ASIC2: variants seen among roughly 807,000 people sequenced by gnomAD.
ASIC2 encodes acid-sensing ion channel 2.
A neutral mutation model predicts 57.3 loss-of-function variants in ASIC2; 25 were observed. The ratio of observed to expected loss-of-function variants is 0.44; its 90% confidence interval spans 0.32 to 0.61. The LOEUF (loss-of-function observed/expected upper bound fraction) is 0.61, where lower values mean the gene tolerates loss of function less well. Among genes scored for constraint, ASIC2 ranks in the 20% least tolerant of loss-of-function variants. The pLI, the probability that ASIC2 is intolerant of heterozygous loss-of-function variation, is 0.06. For missense variants in ASIC2, 641 were observed against 738.1 expected (o/e 0.87, Z 1.52); for synonymous variants, 319 against 307.5 (o/e 1.04, Z -0.39).
At chr17:34,060,768 T>C (rs1004749633) in intron 1 of ASIC2, among the ~76,000 whole-genome samples, 3 of 151,960 alleles carry the variant, frequency 2.0e-5, no homozygotes, top group Non-Finnish European at 2.9e-5. Flanking sequence ...AAAGACAAGG[T>C]CTTCAAATTA....
intron 8 of ASIC2, among the ~76,000 whole-genome samples, chr17:33,016,901 A>G (rs889463687): frequency 2.0e-5 from 3 of 152,132 alleles, no homozygotes; most frequent in African/African-American, 4.8e-5. Context: ...CCAAGGGAAC[A>G]CCCGTCAAAA....
chr17:33,585,447 C>G (rs1904592315), intron 1 of ASIC2, among the ~76,000 whole-genome samples: 1 of 152,184 alleles, frequency 6.6e-6, no homozygotes. Flanking sequence ...TTAAGTTAAA[C>G]CAAACCCAGA....
At chr17:33,719,578 C>A (rs566221898) in intron 1 of ASIC2, among the ~76,000 whole-genome samples, 2 of 152,326 alleles carry the variant, frequency 1.3e-5, no homozygotes, top group South Asian at 4.1e-4. Flanking sequence ...AATAGATACA[C>A]ACAAGTAAGA....
chr17:33,772,217 C>T (rs1037329767), intron 1 of ASIC2, among the ~76,000 whole-genome samples: 5 of 152,212 alleles, frequency 3.3e-5, no homozygotes, highest in East Asian at 1.9e-4. Flanking sequence ...TCATAAGACC[C>T]TCATTCCAGA....
intron 1 of ASIC2, among the ~76,000 whole-genome samples, chr17:33,862,716 C>A (rs1914129076): frequency 6.6e-6 from 1 of 152,152 alleles, no homozygotes; most frequent in South Asian, 2.1e-4. Flanking sequence ...CCTTGAGTTT[C>A]CCTCCCCATG....
At chr17:33,714,703 G>A (rs993114046) in intron 1 of ASIC2, among the ~76,000 whole-genome samples, 2 of 151,876 alleles carry the variant, frequency 1.3e-5, no homozygotes, top group African/African-American at 4.8e-5. Context: ...GGAGGATTTC[G>A]ACTTTGCCTG....
At chr17:33,984,436 A>G (rs1905741271) in intron 1 of ASIC2, 1 of 152,218 alleles carries the variant, frequency 6.6e-6, no homozygotes, top group Admixed American at 6.5e-5. Context: ...ATACCAAGCA[A>G]TCAAACACGC....
chr17:33,306,380 A>G (rs983898331), intron 1 of ASIC2, among the ~76,000 whole-genome samples: 2 of 152,170 alleles, frequency 1.3e-5, no homozygotes, highest in African/African-American at 4.8e-5. Flanking sequence ...ACATACCCAC[A>G]CATTAATACA....
chr17:33,726,917 A>T (rs974398529), intron 1 of ASIC2, among the ~76,000 whole-genome samples: 2 of 152,236 alleles, frequency 1.3e-5, no homozygotes, highest in Non-Finnish European at 2.9e-5. Flanking sequence ...TGTACCAAAA[A>T]TTTTTGGTAG....
At chr17:34,037,863 C>A in intron 1 of ASIC2, 1 of 1,613,946 alleles carries the variant, frequency 6.2e-7, no homozygotes, top group Non-Finnish European at 8.5e-7. Context: ...ATCGTATTCT[C>A]TTGTAGGATG....
In ASIC2 at chr17:34,019,109, T is replaced by C. The variant is rs61024410; in HGVS notation, c.555+136869A>G. On this transcript the variant is annotated intron_variant, in intron 1 of 9. Coordinates refer to the ASIC2 transcript ENST00000359872. The stretch of plus-strand genomic sequence containing the variant: ...TTTTTTAGTAGAGACGGGGTTTCGC[T>C]GTGTTAGCCAGGATGGTCTTGATCT... 7.5e-3 allele frequency among the ~76,000 whole-genome samples: 1,142 copies of C among 152,080 alleles called. 12 individuals carry two copies. Among genetic ancestry groups the C allele is most frequent in the African/African-American group, 0.026 (1,091 of 41,478 alleles).
chr17:33,726,574 G>A (rs2142087544), intron 1 of ASIC2, among the ~76,000 whole-genome samples: 1 of 152,238 alleles, frequency 6.6e-6, no homozygotes. Flanking sequence ...GCCAGGCTAG[G>A]GAGCAGTGAC....
intron 1 of ASIC2, among the ~76,000 whole-genome samples, chr17:33,821,147 G>A (rs1352946348): frequency 6.6e-6 from 1 of 152,178 alleles, no homozygotes; most frequent in East Asian, 1.9e-4. Flanking sequence ...GATGGGGTTT[G>A]GATAGCCCTG....
intron 5 of ASIC2, 127 bp from the exon 6 acceptor site, chr17:33,024,141 G>C: frequency 7.8e-7 from 1 of 1,275,014 alleles, no homozygotes; most frequent in Non-Finnish European, 1.1e-6. Context: ...GAAAGTGAGG[G>C]GCAGGGATTG....
chr17:34,131,970 G>C (rs966324031), intron 1 of ASIC2, among the ~76,000 whole-genome samples: 1 of 152,102 alleles, frequency 6.6e-6, no homozygotes, highest in African/African-American at 2.4e-5. Context: ...GGACATTTTG[G>C]AAACTTTTGT....
chr17:33,688,368 G>C (rs1908260272), intron 1 of ASIC2, among the ~76,000 whole-genome samples: 1 of 152,166 alleles, frequency 6.6e-6, no homozygotes, highest in African/African-American at 2.4e-5. Flanking sequence ...GCTACTACCA[G>C]TAAAAGTACT....
intron 1 of ASIC2, among the ~76,000 whole-genome samples, chr17:33,181,056 A>G: frequency 6.6e-6 from 1 of 152,172 alleles, no homozygotes; most frequent in East Asian, 1.9e-4. Flanking sequence ...TGGCCAGTTC[A>G]TAGGATACTA....
intron 1 of ASIC2, among the ~76,000 whole-genome samples, chr17:34,025,847 T>C (rs1907358129): frequency 6.6e-6 from 1 of 152,230 alleles, no homozygotes; most frequent in African/African-American, 2.4e-5. Context: ...TGAGACTACA[T>C]ATTCAAAAGG....
chr17:33,984,976 A>G (rs912177449), intron 1 of ASIC2, among the ~76,000 whole-genome samples: 2 of 152,252 alleles, frequency 1.3e-5, no homozygotes, highest in Non-Finnish European at 2.9e-5. Flanking sequence ...AAGGAAAGAC[A>G]TTCTAAAAGG....
Sources: gnomAD v4.1 joint callset for allele counts (sites outside exome capture counted in the v4.1 genomes callset) on GRCh38, gnomAD v4.1.1 for gene constraint, MANE v1.5 for transcripts, NCBI Gene and HGNC (gene_info 2026-07-23, HGNC 2026-07-21) for gene names.